Variants in TMIGD3 observed in about 807,000 individuals in gnomAD.
TMIGD3 encodes transmembrane and immunoglobulin domain containing 3.
TMIGD3 carries 21 observed loss-of-function variants against 28.1 expected under a neutral mutation model. The observed-to-expected ratio is 0.75, with a 90% CI of 0.53 to 1.08. The LOEUF is 1.08. Among genes scored for constraint, TMIGD3 ranks in the 50% least tolerant of loss-of-function variants. TMIGD3 has a pLI of 0.00. For missense variants in TMIGD3, 416 were observed against 435.6 expected, an observed-to-expected ratio of 0.96 and a Z score of 0.40; for synonymous variants, 151 against 162.1, an observed-to-expected ratio of 0.93 and a Z score of 0.52.
intron 1 of TMIGD3, among the ~76,000 whole-genome samples, chr1:111,560,903 C>T (rs1332909035): frequency 6.6e-6 from 1 of 152,116 alleles, no homozygotes; most frequent in Non-Finnish European, 1.5e-5. Flanking sequence ...GACCTGTAGC[C>T]CAATTTGCTC....
At chr1:111,549,075 T>TTTGTTAGTA (rs1348807380) in intron 1 of TMIGD3, among the ~76,000 whole-genome samples, 2 of 152,174 alleles carry the variant, frequency 1.3e-5, no homozygotes, top group Non-Finnish European at 2.9e-5. Flanking sequence ...CTGAAGTCAA[T>TTTGTTAGTA]TTGTTAGTAT....
intron 1 of TMIGD3, among the ~76,000 whole-genome samples, chr1:111,521,468 A>G (rs979903176): frequency 1.4e-4 from 22 of 152,154 alleles, no homozygotes; most frequent in Admixed American, 5.9e-4. Flanking sequence ...CGTTTTAGCC[A>G]TTGTAGTGGT....
At chr1:111,514,925 T>G (rs1443305838) in intron 1 of TMIGD3, among the ~76,000 whole-genome samples, 1 of 152,176 alleles carries the variant, frequency 6.6e-6, no homozygotes, top group Non-Finnish European at 1.5e-5. Context: ...TTTTCACAGA[T>G]AAGAATATTG....
chr1:111,492,760 G>C (rs553849075), intron 1 of TMIGD3, among the ~76,000 whole-genome samples: 1 of 147,500 alleles, frequency 6.8e-6, no homozygotes, highest in Non-Finnish European at 1.5e-5. Flanking sequence ...GTTGCAGTAA[G>C]CCGAGATCAC....
At position 111,503,473 on chromosome 1, in the gene TMIGD3, A is replaced by G; in HGVS notation, c.-119T>C. The G allele has an allele frequency of 6.9e-7, 1 of 1,459,360 alleles. No homozygotes were observed. Among genetic ancestry groups the G allele is most frequent in the Non-Finnish European group, 9.1e-7 (1 of 1,104,120 alleles). The allele number at this position is 1,459,360 out of a possible 1,614,324, so 90.4% of individuals were successfully genotyped here. A position where few individuals can be genotyped will look rare whatever the true frequency, so the allele number is the denominator to read the frequency against. On this transcript the variant is annotated 5_prime_UTR_variant, in exon 1 of 6. Transcript: ENST00000369716. Reference sequence around the variant, plus strand: ...AGAGGTCCATGTGCAGTGACAGTCTAAAATTCCCAACTTGCTCATTCCTAC... The same window carrying G: ...AGAGGTCCATGTGCAGTGACAGTCTGAAATTCCCAACTTGCTCATTCCTAC...
intron 1 of TMIGD3, among the ~76,000 whole-genome samples, chr1:111,535,220 C>G (rs1469760557): frequency 6.6e-6 from 1 of 152,212 alleles, no homozygotes; most frequent in African/African-American, 2.4e-5. Flanking sequence ...ACTATTATAT[C>G]GAAATGTATC....
At chr1:111,548,168 G>A (rs1423397900) in intron 1 of TMIGD3, among the ~76,000 whole-genome samples, 1 of 152,158 alleles carries the variant, frequency 6.6e-6, no homozygotes, top group Non-Finnish European at 1.5e-5. Context: ...CTACAGGCAT[G>A]TGCCACCACA....
chr1:111,556,780 C>G (rs969982858), intron 1 of TMIGD3, among the ~76,000 whole-genome samples: 4 of 151,998 alleles, frequency 2.6e-5, no homozygotes, highest in Non-Finnish European at 4.4e-5. Flanking sequence ...TAAAGCTTTA[C>G]TCTGGGAAGC....
chr1:111,485,726 C>CAAAAACAAAATAACCCAACA lies in TMIGD3; in HGVS notation c.973+13_973+14insTGTTGGGTTATTTTGTTTTT. On this transcript the variant is annotated intron_variant, in intron 5 of 5. Coordinates refer to ENST00000369716, the MANE Select transcript of TMIGD3 (RefSeq NM_020683.7). Reference sequence around the variant, plus strand: ...AATTCTTGCCCACCCCCTCCCTCAACAATAGCTACTTACCCCTTCTATTCC... The same window carrying CAAAAACAAAATAACCCAACA: ...AATTCTTGCCCACCCCCTCCCTCAACAAAAACAAAATAACCCAACAAATAGCTACTTACCCCTTCTATTCC... 1 of 850,660 alleles carries CAAAAACAAAATAACCCAACA rather than the reference C, an allele frequency of 1.2e-6. No individual in the cohort carries two copies. The highest frequency in any genetic ancestry group is 1.9e-6 in the Non-Finnish European group (1 of 522,910). 52.7% of individuals were successfully genotyped at this position (850,660 alleles called of 1,614,324 possible).
intron 1 of TMIGD3, among the ~76,000 whole-genome samples, chr1:111,561,805 G>A (rs1229875336): frequency 2.0e-5 from 3 of 152,124 alleles, no homozygotes; most frequent in Admixed American, 2.0e-4. Context: ...CATTCTGTCA[G>A]AAGTATGTCT....
upstream of TMIGD3, among the ~76,000 whole-genome samples, chr1:111,507,037 GTGTATATATATA>G (rs1241080255): frequency 7.2e-4 from 35 of 48,648 alleles, no homozygotes; most frequent in African/African-American, 1.6e-3. Context: ...GTGTGTGTGT[GTGTATATATATA>G]TATATATATA....
chr1:111,502,324 T>C (rs1391904716), intron 1 of TMIGD3, among the ~76,000 whole-genome samples: 1 of 132,794 alleles, frequency 7.5e-6, no homozygotes, highest in African/African-American at 2.8e-5. Flanking sequence ...TGAATATATA[T>C]AGGATACATA....
intron 1 of TMIGD3, among the ~76,000 whole-genome samples, chr1:111,534,753 T>A (rs539240518): frequency 6.6e-6 from 1 of 152,084 alleles, no homozygotes; most frequent in African/African-American, 2.4e-5. Context: ...TGTGTGTGTG[T>A]TTTGTGTTTG....
chr1:111,505,269 G>A (rs564430128), upstream of TMIGD3, among the ~76,000 whole-genome samples: 5 of 152,174 alleles, frequency 3.3e-5, no homozygotes, highest in South Asian at 8.3e-4. Flanking sequence ...AGCTGGGTCA[G>A]AGAAACCAAG....
At chr1:111,561,367 G>T (rs569108357) in intron 1 of TMIGD3, among the ~76,000 whole-genome samples, 6 of 152,088 alleles carry the variant, frequency 3.9e-5, no homozygotes, top group Non-Finnish European at 7.4e-5. Context: ...CAAGCGATCC[G>T]CTTGTCTCAG....
rs182749480 is a variant in TMIGD3, at chr1:111,561,759, T to C, written c.107+2087A>G. Reference sequence around the variant, plus strand: ...GTGTGTGTATTTGTGTGTATGTGTGTGTACGTATAATTGGAAGAGGGCCCT... The same window carrying C: ...GTGTGTGTATTTGTGTGTATGTGTGCGTACGTATAATTGGAAGAGGGCCCT... On this transcript the variant is annotated intron_variant, in intron 1 of 5. Coordinates refer to the TMIGD3 transcript ENST00000369717. 3.3e-5 allele frequency among the ~76,000 whole-genome samples: 5 copies of C among 152,312 alleles called. No individual in the cohort carries two copies. The East Asian group carries it at 7.7e-4, about 23-fold the overall frequency.
chr1:111,488,114 T>C (rs1334002676), intron 3 of TMIGD3, among the ~76,000 whole-genome samples: 1 of 152,172 alleles, frequency 6.6e-6, no homozygotes, highest in Non-Finnish European at 1.5e-5. Flanking sequence ...TACCTCCGTA[T>C]ACTATTAAAT....
chr1:111,493,301 A>G (rs1369696869), intron 1 of TMIGD3, among the ~76,000 whole-genome samples: 1 of 152,152 alleles, frequency 6.6e-6, no homozygotes, highest in African/African-American at 2.4e-5. Context: ...TCTTGGTGCC[A>G]TCATTGTCAT....
chr1:111,562,355 C>T (rs900253371), intron 1 of TMIGD3, among the ~76,000 whole-genome samples: 1 of 152,114 alleles, frequency 6.6e-6, no homozygotes, highest in Admixed American at 6.5e-5. Context: ...TCTTTGACCC[C>T]TAGAACCTGT....
Sources: allele counts gnomAD v4.1 joint callset (sites outside exome capture counted in the v4.1 genomes callset), GRCh38; gene constraint gnomAD v4.1.1; transcripts MANE v1.5; gene names NCBI Gene and HGNC (gene_info 2026-07-23, HGNC 2026-07-21).